The following SPIN2A variants were observed in gnomAD, a reference collection of about 807,000 sequenced individuals.
SPIN2A encodes spindlin family member 2A.
A neutral mutation model predicts 9.2 loss-of-function variants in SPIN2A; 4 were observed. The ratio of observed to expected loss-of-function variants is 0.44; its 90% CI spans 0.21 to 1.00. The LOEUF is 1.00. SPIN2A is among the 50% of genes least tolerant of loss of function. The pLI, the probability that SPIN2A is intolerant of heterozygous loss-of-function variation, is 0.26. For synonymous variants in SPIN2A, 25 were observed against 61.2 expected (o/e 0.41, Z 2.76); for missense variants, 77 against 172.8 (o/e 0.45, Z 3.11).
At chrX:57,139,855 A>G (rs1355131716), upstream of SPIN2A, among the ~76,000 whole-genome samples, 1 of 111,618 alleles carries the variant, frequency 9.0e-6, no homozygotes, top group Non-Finnish European at 1.9e-5. Context: ...CTGTAGCTCC[A>G]TATGAATTTT....
chrX:57,134,677 G>T (rs1202354358), downstream of SPIN2A: 1 of 111,484 alleles, frequency 9.0e-6, no homozygotes, highest in African/African-American at 3.3e-5. Flanking sequence ...CTTTCCAAAT[G>T]CAAGATGGCA....
rs1050461548 is a variant in SPIN2A, at chrX:57,137,374, G to A, written c.-120C>T. ...ATCCATAGATGAGGAGCGTGTGTAG[G>A]AGCGCGGCGAGACAGGCAAAGAGCA... On this transcript the variant is annotated 5_prime_UTR_variant, in exon 1 of 2. Coordinates refer to ENST00000374906, the MANE Select transcript of SPIN2A (RefSeq NM_019003.5). 2.4e-4 allele frequency: 178 copies of A among 752,194 alleles called. No individual in the cohort carries two copies. The highest frequency in any genetic ancestry group is 2.6e-4 in the Non-Finnish European group (168 of 637,910). The allele number at this position is 752,194 out of a possible 1,213,427, so 62.0% of individuals were successfully genotyped here.
chrX:57,138,420 T>TTATA (rs764241953), upstream of SPIN2A, among the ~76,000 whole-genome samples: 11 of 107,769 alleles, frequency 1.0e-4, no homozygotes, highest in Non-Finnish European at 1.5e-4. Flanking sequence ...TAATATTTTA[T>TTATA]TATATATATA....
upstream of SPIN2A, among the ~76,000 whole-genome samples, chrX:57,139,295 A>G (rs2146920314): frequency 8.9e-6 from 1 of 112,399 alleles, no homozygotes; most frequent in Non-Finnish European, 1.9e-5. Context: ...TTTCCCAACA[A>G]CATTTATTAC....
chrX:57,139,554 C>T (rs766364750), upstream of SPIN2A, among the ~76,000 whole-genome samples: 11 of 111,130 alleles, frequency 9.9e-5, no homozygotes, highest in Middle Eastern at 9.2e-3. Context: ...CCTGGGTTCA[C>T]GCCATTCTCC....
the SPIN2A span, among the ~76,000 whole-genome samples, chrX:57,145,253 T>TGGGG: frequency 3.9e-5 from 4 of 102,927 alleles, no homozygotes; most frequent in African/African-American, 1.6e-4. Context: ...ATCATTCTTT[T>TGGGG]GGGGGGGGGT....
chrX:57,146,015 C>CT, the SPIN2A span, among the ~76,000 whole-genome samples: 2 of 104,451 alleles, frequency 1.9e-5, no homozygotes, highest in Non-Finnish European at 4.0e-5. Flanking sequence ...TTTTTTTTTT[C>CT]TTTTTTTGCT....
upstream of SPIN2A, among the ~76,000 whole-genome samples, chrX:57,142,504 G>A (rs973975247): frequency 2.7e-5 from 3 of 112,065 alleles, no homozygotes; most frequent in African/African-American, 9.7e-5. Context: ...AATTTGTTGA[G>A]ATTTATTCTG....
chrX:57,140,976 T>A (rs1927987842), upstream of SPIN2A, among the ~76,000 whole-genome samples: 3 of 111,687 alleles, frequency 2.7e-5, no homozygotes, highest in African/African-American at 9.8e-5. Flanking sequence ...TGAAACTAAT[T>A]TTTTTGTGTG....
At chrX:57,138,905 G>C, upstream of SPIN2A, among the ~76,000 whole-genome samples, 1 of 111,800 alleles carries the variant, frequency 8.9e-6, no homozygotes, top group Non-Finnish European at 1.9e-5. Flanking sequence ...TTTTAAATCA[G>C]ATTATTTGAT....
chrX:57,136,967 G>T (rs1411707935), intron 1 of SPIN2A: 2 of 877,472 alleles, frequency 2.3e-6, no homozygotes, highest in Non-Finnish European at 2.9e-6. Flanking sequence ...TGCCCTGAGT[G>T]CCTCTGGTGC....
At chrX:57,147,070 C>T in the SPIN2A span, among the ~76,000 whole-genome samples, 1 of 111,397 alleles carries the variant, frequency 9.0e-6, no homozygotes, top group African/African-American at 3.3e-5. Flanking sequence ...TAGGGTGATA[C>T]TCACTTCACA....
upstream of SPIN2A, among the ~76,000 whole-genome samples, chrX:57,141,571 A>C (rs182722521): frequency 1.4e-4 from 16 of 111,051 alleles, no homozygotes; most frequent in East Asian, 4.3e-3. Context: ...TGGGCTTTTC[A>C]TTGATGGGAG....
At chrX:57,134,642 G>A (rs1317290598), downstream of SPIN2A, 1 of 111,444 alleles carries the variant, frequency 9.0e-6, no homozygotes. Context: ...AGTTCAGTAA[G>A]ATTTCATTTT....
upstream of SPIN2A, among the ~76,000 whole-genome samples, chrX:57,140,343 C>T (rs1185897468): frequency 2.0e-5 from 2 of 98,672 alleles, no homozygotes; most frequent in Non-Finnish European, 2.0e-5. Context: ...CCTAATTGCT[C>T]TTGTTAGAAT....
At chrX:57,146,127 A>G in the SPIN2A span, among the ~76,000 whole-genome samples, 6 of 109,838 alleles carry the variant, frequency 5.5e-5, no homozygotes, top group Non-Finnish European at 9.5e-5. Flanking sequence ...TTTGATGAGA[A>G]TTGCATTACA....
chrX:57,143,322 C>T, the SPIN2A span, among the ~76,000 whole-genome samples: 5 of 110,451 alleles, frequency 4.5e-5, no homozygotes, highest in Non-Finnish European at 7.6e-5. Flanking sequence ...ACTATTCTAA[C>T]GAATTGCTTT....
At chrX:57,134,437 A>C (rs1192865783), downstream of SPIN2A, 2 of 111,346 alleles carry the variant, frequency 1.8e-5, no homozygotes, top group African/African-American at 6.5e-5. Flanking sequence ...TTCTTGGGAC[A>C]GCAGGTTTCT....
chrX:57,145,731 T>G, the SPIN2A span, among the ~76,000 whole-genome samples: 1 of 112,322 alleles, frequency 8.9e-6, no homozygotes, highest in Non-Finnish European at 1.9e-5. Flanking sequence ...ACTTGATTTT[T>G]GTATAAAGTG....
Sources: gnomAD v4.1 joint callset for allele counts (sites outside exome capture counted in the v4.1 genomes callset) on GRCh38, gnomAD v4.1.1 for gene constraint, MANE v1.5 for transcripts, NCBI Gene and HGNC (gene_info 2026-07-23, HGNC 2026-07-21) for gene names.